Variants in SETBP1 observed in about 807,000 individuals in gnomAD.
The protein encoded by SETBP1 is SET binding protein 1, also known as SET-binding protein.
A neutral mutation model predicts 101.0 loss-of-function variants in SETBP1; 9 were observed. The ratio of observed to expected loss-of-function variants is 0.09; its 90% CI spans 0.05 to 0.16. The LOEUF (loss-of-function observed/expected upper bound fraction) is 0.16. Ranked by LOEUF, SETBP1 falls within the 10% of genes least tolerant of loss-of-function variation. The pLI is 1.00. For missense variants in SETBP1, 1,858 were observed against 2,033.8 expected, an observed-to-expected ratio of 0.91 and a Z score of 1.66; for synonymous variants, 818 against 788.5, an observed-to-expected ratio of 1.04 and a Z score of -0.63.
intron 3 of SETBP1, among the ~76,000 whole-genome samples, chr18:44,912,610 G>A (rs1387191609): frequency 6.6e-6 from 1 of 151,934 alleles, no homozygotes; most frequent in African/African-American, 2.4e-5. Flanking sequence ...GTAGAGAAGG[G>A]GTTTCATCGT....
Position 44,788,947 on chromosome 18 carries a change from C to T in SETBP1, c.487-80283C>T, listed in dbSNP as rs562442575. Among the ~76,000 whole-genome samples, 15 of 151,750 alleles carry T rather than the reference C, an allele frequency of 9.9e-5. No homozygotes were observed. In the South Asian group the frequency reaches 1.9e-3, roughly 19 times the overall value. On this transcript the variant is annotated intron_variant, in intron 2 of 5. Transcript: ENST00000649279. Reference sequence around the variant, plus strand: ...TGAGTAGCTTAGCCGGGACTACAGGCGCACACCACTCCTCCTGGCTAATTT... The same window carrying T: ...TGAGTAGCTTAGCCGGGACTACAGGTGCACACCACTCCTCCTGGCTAATTT...
intron 4 of SETBP1, among the ~76,000 whole-genome samples, chr18:44,972,074 A>C (rs1375515283): frequency 2.0e-5 from 3 of 152,148 alleles, no homozygotes; most frequent in Admixed American, 1.3e-4. Context: ...GAAGGGATCC[A>C]GTTTCAGCTT....
intron 4 of SETBP1, among the ~76,000 whole-genome samples, chr18:45,018,516 T>C (rs1459308322): frequency 6.6e-6 from 1 of 152,218 alleles, no homozygotes; most frequent in Admixed American, 6.5e-5. Context: ...CATTGTCTCT[T>C]TCCTCAACTT....
At chr18:44,958,239 C>T (rs537643042) in intron 4 of SETBP1, among the ~76,000 whole-genome samples, 1 of 152,320 alleles carries the variant, frequency 6.6e-6, no homozygotes, top group South Asian at 2.1e-4. Context: ...ACCATGTTGA[C>T]CAAATAGTTA....
intron 3 of SETBP1, chr18:44,869,656 A>G (rs1046645814): frequency 8.9e-6 from 3 of 335,954 alleles, no homozygotes; most frequent in Admixed American, 7.9e-5. Flanking sequence ...GGACACTCGC[A>G]TGTCTGTAAT....
At chr18:44,903,882 T>C (rs1335807497) in intron 3 of SETBP1, among the ~76,000 whole-genome samples, 4 of 152,212 alleles carry the variant, frequency 2.6e-5, no homozygotes, top group Non-Finnish European at 5.9e-5. Context: ...ATATCTGTAT[T>C]GCTCATTTGA....
intron 2 of SETBP1, among the ~76,000 whole-genome samples, chr18:44,833,666 G>T (rs2072427664): frequency 1.3e-5 from 2 of 152,254 alleles, no homozygotes; most frequent in Non-Finnish European, 1.5e-5. Context: ...AGGCAGACAT[G>T]CAAAGGTGGG....
At chr18:44,845,172 G>A (rs1331987390) in intron 2 of SETBP1, among the ~76,000 whole-genome samples, 1 of 152,154 alleles carries the variant, frequency 6.6e-6, no homozygotes, top group Non-Finnish European at 1.5e-5. Context: ...GAGCCGAAGA[G>A]GTTTGATTGA....
At chr18:45,061,419 A>G (rs1456065870) in intron 5 of SETBP1, among the ~76,000 whole-genome samples, 1 of 152,144 alleles carries the variant, frequency 6.6e-6, no homozygotes, top group Non-Finnish European at 1.5e-5. Flanking sequence ...TACAAAACTA[A>G]CTACAAAAAT....
At chr18:44,829,489 A>C (rs2072310818) in intron 2 of SETBP1, among the ~76,000 whole-genome samples, 1 of 152,210 alleles carries the variant, frequency 6.6e-6, no homozygotes, top group South Asian at 2.1e-4. Context: ...AAAATTAGTA[A>C]AATGAAATCC....
At chr18:44,713,574 G>A (rs1162581515) in intron 2 of SETBP1, among the ~76,000 whole-genome samples, 11 of 152,120 alleles carry the variant, frequency 7.2e-5, no homozygotes, top group Non-Finnish European at 1.2e-4. Context: ...AATACTGGGA[G>A]GTGATCTGGC....
intron 4 of SETBP1, among the ~76,000 whole-genome samples, chr18:45,030,645 C>G (rs2073276029): frequency 6.7e-6 from 1 of 149,862 alleles, no homozygotes; most frequent in Non-Finnish European, 1.5e-5. Context: ...TGGTCCTGGA[C>G]TCTTTTTGGT....
intron 2 of SETBP1, among the ~76,000 whole-genome samples, chr18:44,801,730 A>C (rs903095448): frequency 6.6e-6 from 1 of 152,178 alleles, no homozygotes; most frequent in African/African-American, 2.4e-5. Context: ...GCCATATAAA[A>C]AGAATGAGGT....
intron 4 of SETBP1, among the ~76,000 whole-genome samples, chr18:44,972,870 C>T (rs956558104): frequency 1.3e-5 from 2 of 152,146 alleles, no homozygotes; most frequent in African/African-American, 4.8e-5. Context: ...CCCTTTATTT[C>T]CTTTTCCTGA....
chr18:45,011,253 C>A (rs997573101), intron 4 of SETBP1, among the ~76,000 whole-genome samples: 1 of 152,114 alleles, frequency 6.6e-6, no homozygotes, highest in Non-Finnish European at 1.5e-5. Context: ...TAACATGCAC[C>A]ACCTATCAGA....
At chr18:44,973,572 A>G (rs1463190533) in intron 4 of SETBP1, among the ~76,000 whole-genome samples, 1 of 152,166 alleles carries the variant, frequency 6.6e-6, no homozygotes, top group Non-Finnish European at 1.5e-5. Flanking sequence ...TTGGGGGCAA[A>G]TGGATAGAGT....
chr18:44,925,351 C>A (rs2070682945), intron 3 of SETBP1, among the ~76,000 whole-genome samples: 1 of 152,136 alleles, frequency 6.6e-6, no homozygotes, highest in African/African-American at 2.4e-5. Context: ...TGCACCAGAG[C>A]TGGGACCCAC....
chr18:44,786,979 G>A (rs986241651), intron 2 of SETBP1, among the ~76,000 whole-genome samples: 1 of 152,202 alleles, frequency 6.6e-6, no homozygotes, highest in African/African-American at 2.4e-5. Context: ...AAGAGGAGAC[G>A]AAAGATGCTT....
At chr18:44,767,556 G>T (rs377385769) in intron 2 of SETBP1, among the ~76,000 whole-genome samples, 55 of 152,178 alleles carry the variant, frequency 3.6e-4, no homozygotes, top group African/African-American at 1.2e-3. Flanking sequence ...CCTTAAGATG[G>T]TTATATGAAA....
Sources: gnomAD v4.1 joint callset for allele counts (sites outside exome capture counted in the v4.1 genomes callset) on GRCh38, gnomAD v4.1.1 for gene constraint, MANE v1.5 for transcripts, NCBI Gene and HGNC (gene_info 2026-07-23, HGNC 2026-07-21) for gene names.